The following GPD2 variants were observed in gnomAD, a reference collection of about 807,000 sequenced individuals.
GPD2 encodes the protein glycerol-3-phosphate dehydrogenase, mitochondrial.
Under a neutral mutation model 82.4 loss-of-function variants are expected in GPD2, and 54 were observed. That is an observed-to-expected ratio of 0.66 (90% CI 0.53 to 0.82). The LOEUF (loss-of-function observed/expected upper bound fraction) is 0.82. Among genes scored for constraint, GPD2 ranks in the 40% least tolerant of loss-of-function variants. GPD2 has a pLI of 0.00. For synonymous variants in GPD2, 288 were observed against 306.1 expected, an observed-to-expected ratio of 0.94 and a Z score of 0.62; for missense variants, 748 against 896.2, an observed-to-expected ratio of 0.83 and a Z score of 2.11.
At chr2:156,546,196 A>G (rs1169227893) in intron 6 of GPD2, among the ~76,000 whole-genome samples, 1 of 152,214 alleles carries the variant, frequency 6.6e-6, no homozygotes, top group Non-Finnish European at 1.5e-5. Context: ...TCCTTGTGTA[A>G]GTGCCAATGT....
chr2:156,510,824 T>A lies in GPD2; in HGVS notation c.303T>A (p.Asp101Glu). The A allele has an allele frequency of 6.2e-7, 1 of 1,613,182 alleles. No homozygotes were observed. The change falls in exon 4 of 17, where the codon GAT becomes GAA. Residue 101 changes from aspartate to glutamate, a missense_variant. By Grantham distance (45) the Asp-to-Glu change is conservative (BLOSUM62 2). Coordinates refer to ENST00000438166, the MANE Select transcript of GPD2 (RefSeq NM_000408.5). ...RGLKTALVER[D>E]DFSSGTSSRS... ...TAAAAACAGCCCTTGTAGAAAGAGA[T>A]GATTTCTCATCAGGGACCAGCAGCA...
At chr2:156,579,929 G>A in intron 16 of GPD2, 141 bp downstream of exon 16, 2 of 695,148 alleles carry the variant, frequency 2.9e-6, no homozygotes, top group East Asian at 5.5e-5. Context: ...GAAGCCAGCA[G>A]AGGTTGATAT....
At chr2:156,417,399 A>C in the GPD2 span, among the ~76,000 whole-genome samples, 2 of 152,194 alleles carry the variant, frequency 1.3e-5, no homozygotes, top group South Asian at 2.1e-4. Flanking sequence ...TGAATATTAC[A>C]ATTAAACATA....
At chr2:156,575,073 A>T (rs933202480) in intron 13 of GPD2, among the ~76,000 whole-genome samples, 2 of 152,212 alleles carry the variant, frequency 1.3e-5, no homozygotes, top group African/African-American at 4.8e-5. Flanking sequence ...GAAAAATTAT[A>T]CCTTAGAGTA....
intron 2 of GPD2, among the ~76,000 whole-genome samples, chr2:156,484,568 G>C (rs531393776): frequency 6.6e-6 from 1 of 152,200 alleles, no homozygotes; most frequent in South Asian, 2.1e-4. Context: ...GGCCAGTTGA[G>C]GTGGCTCATG....
intron 1 of GPD2, among the ~76,000 whole-genome samples, chr2:156,450,176 A>G (rs298235): frequency 0.9 from 136,460 of 152,216 alleles, 62,716 homozygotes; most frequent in South Asian, 1. Flanking sequence ...AGAAGGGGAG[A>G]GCTGGGAGAG....
At chr2:156,525,968 A>G (rs1326476319) in intron 6 of GPD2, among the ~76,000 whole-genome samples, 1 of 152,114 alleles carries the variant, frequency 6.6e-6, no homozygotes, top group Non-Finnish European at 1.5e-5. Flanking sequence ...CTTTTAACGT[A>G]TGTATGCATA....
At chr2:156,465,361 CTTTT>C (rs67390264) in intron 1 of GPD2, among the ~76,000 whole-genome samples, 6 of 114,910 alleles carry the variant, frequency 5.2e-5, no homozygotes, top group African/African-American at 1.5e-4. Context: ...TTCTTTCTTT[CTTTT>C]TTTTTTTTTT....
upstream of GPD2, among the ~76,000 whole-genome samples, chr2:156,434,792 G>T (rs1688376715): frequency 6.6e-6 from 1 of 152,140 alleles, no homozygotes; most frequent in East Asian, 1.9e-4. Flanking sequence ...TACCCAAAGG[G>T]CTTGTTAAAT....
intron 1 of GPD2, among the ~76,000 whole-genome samples, chr2:156,474,980 C>T (rs1683455980): frequency 6.6e-6 from 1 of 151,342 alleles, no homozygotes. Flanking sequence ...AAAAAATAGC[C>T]ATGCATGGCG....
intron 2 of GPD2, among the ~76,000 whole-genome samples, chr2:156,487,932 G>T (rs958602509): frequency 5.9e-5 from 9 of 152,192 alleles, no homozygotes; most frequent in Non-Finnish European, 1.3e-4. Context: ...GCTATAAAAA[G>T]TTTGATAATT....
intron 6 of GPD2, among the ~76,000 whole-genome samples, chr2:156,521,471 G>A (rs1403836813): frequency 6.6e-6 from 1 of 152,128 alleles, no homozygotes; most frequent in Non-Finnish European, 1.5e-5. Context: ...TATAATAAAT[G>A]CAAAATAATT....
intron 16 of GPD2, among the ~76,000 whole-genome samples, chr2:156,580,470 T>A (rs1687988051): frequency 6.6e-6 from 1 of 152,226 alleles, no homozygotes; most frequent in Non-Finnish European, 1.5e-5. Context: ...AACAAACCCA[T>A]ACATTATTTC....
intron 13 of GPD2, among the ~76,000 whole-genome samples, chr2:156,578,021 T>G (rs1189250259): frequency 6.6e-6 from 1 of 152,186 alleles, no homozygotes; most frequent in African/African-American, 2.4e-5. Context: ...TGTGTGCGTG[T>G]GTGTGTGTGT....
chr2:156,444,827 C>T (rs549849017), intron 1 of GPD2, among the ~76,000 whole-genome samples: 4 of 152,324 alleles, frequency 2.6e-5, no homozygotes, highest in African/African-American at 9.6e-5. Context: ...TTATAGCTCA[C>T]TGCAGCTTTG....
intron 1 of GPD2, among the ~76,000 whole-genome samples, chr2:156,451,393 G>A (rs371489783): frequency 0.18 from 23,789 of 134,952 alleles, 2,001 homozygotes; most frequent in Non-Finnish European, 0.25. Context: ...CTCACCTCCC[G>A]GACGGGGCAG....
upstream of GPD2, among the ~76,000 whole-genome samples, chr2:156,436,107 C>T (rs956657113): frequency 6.6e-6 from 1 of 152,218 alleles, no homozygotes. Flanking sequence ...GTTCATTGGG[C>T]CACGGAGACC....
chr2:156,538,690 G>A (rs1286877376), intron 6 of GPD2, among the ~76,000 whole-genome samples: 3 of 151,616 alleles, frequency 2.0e-5, no homozygotes, highest in African/African-American at 4.8e-5. Context: ...GCATGGTGGC[G>A]GGCTCCTGTA....
At chr2:156,441,201 ACTT>A (rs1682163313) in intron 1 of GPD2, among the ~76,000 whole-genome samples, 1 of 152,140 alleles carries the variant, frequency 6.6e-6, no homozygotes, top group Non-Finnish European at 1.5e-5. Flanking sequence ...TGCCCTGTGT[ACTT>A]CTTCATCTGG....
Sources: allele counts gnomAD v4.1 joint callset (sites outside exome capture counted in the v4.1 genomes callset), GRCh38; gene constraint gnomAD v4.1.1; transcripts MANE v1.5; gene names NCBI Gene and HGNC (gene_info 2026-07-23, HGNC 2026-07-21).